LARP4B: variants seen among roughly 807,000 people sequenced by gnomAD.
The protein encoded by LARP4B is La ribonucleoprotein 4B.
Under a neutral mutation model 89.8 loss-of-function variants are expected in LARP4B, and 12 were observed. The observed-to-expected ratio is 0.13, with a 90% CI of 0.09 to 0.22. The LOEUF (loss-of-function observed/expected upper bound fraction) is 0.22. Among genes scored for constraint, LARP4B ranks in the 10% least tolerant of loss-of-function variants. LARP4B has a pLI of 1.00. For missense variants in LARP4B, 757 were observed against 947.7 expected, an observed-to-expected ratio of 0.80 and a Z score of 2.64; for synonymous variants, 367 against 363.3, an observed-to-expected ratio of 1.01 and a Z score of -0.12.
chr10:970,842 G>C, the LARP4B span, among the ~76,000 whole-genome samples: 6 of 152,176 alleles, frequency 3.9e-5, no homozygotes, highest in African/African-American at 1.4e-4. Flanking sequence ...GGAAGGCAGA[G>C]ACTGAGAAGA....
At chr10:930,006 C>T (rs762705097) in intron 1 of LARP4B, among the ~76,000 whole-genome samples, 2 of 151,852 alleles carry the variant, frequency 1.3e-5, no homozygotes, top group Non-Finnish European at 2.9e-5. Flanking sequence ...GGAGAAAAAA[C>T]TGAAAAGCCA....
At chr10:867,267 C>A (rs2131856839) in intron 3 of LARP4B, among the ~76,000 whole-genome samples, 1 of 152,206 alleles carries the variant, frequency 6.6e-6, no homozygotes, top group Admixed American at 6.5e-5. Flanking sequence ...TGAGCACATT[C>A]TACGCACTTC....
chr10:909,044 C>A (rs879669380), intron 1 of LARP4B, among the ~76,000 whole-genome samples: 1 of 151,962 alleles, frequency 6.6e-6, no homozygotes, highest in Non-Finnish European at 1.5e-5. Context: ...CCTGTAATCC[C>A]AGCACTTTGG....
intron 3 of LARP4B, among the ~76,000 whole-genome samples, chr10:867,376 T>C (rs1834955002): frequency 1.3e-5 from 2 of 152,302 alleles, no homozygotes; most frequent in South Asian, 4.1e-4. Flanking sequence ...AACTTCCCCA[T>C]AAAAACGATG....
the LARP4B span, among the ~76,000 whole-genome samples, chr10:944,287 G>T: frequency 6.6e-6 from 1 of 152,154 alleles, no homozygotes; most frequent in Non-Finnish European, 1.5e-5. Context: ...TGCATTCAAG[G>T]CCTGGCTGGT....
chr10:854,771 C>T (rs141035104), intron 5 of LARP4B, among the ~76,000 whole-genome samples: 319 of 152,272 alleles, frequency 2.1e-3, no homozygotes, highest in African/African-American at 7.1e-3. Context: ...GTTAACGTCA[C>T]CAGCTCCATT....
At chr10:813,259 AG>A in intron 17 of LARP4B, 46 bp from the exon 18 acceptor site, 1 of 1,522,582 alleles carries the variant, frequency 6.6e-7, no homozygotes, top group Non-Finnish European at 8.8e-7. Flanking sequence ...TGGTGTCTCT[AG>A]GGACAAGACA....
chr10:917,005 C>A (rs1245221740), intron 1 of LARP4B, among the ~76,000 whole-genome samples: 1 of 152,096 alleles, frequency 6.6e-6, no homozygotes, highest in Non-Finnish European at 1.5e-5. Context: ...GTGGTAAGTA[C>A]TCTTGAATAC....
In LARP4B at chr10:812,593, T is replaced by C; in HGVS notation, c.*333A>G. The stretch of plus-strand genomic sequence containing the variant: ...CCTTAATTTAGAAAAACTCACTATA[T>C]ATAGCTTGCATTCAGAGCCACATGG... On this transcript the variant is annotated 3_prime_UTR_variant, in exon 18 of 18. Coordinates refer to ENST00000316157, the MANE Select transcript of LARP4B (RefSeq NM_015155.3). 5.4e-6 allele frequency: 1 copy of C among 183,622 alleles called. No homozygotes were observed. The highest frequency in any genetic ancestry group is 1.3e-4 in the East Asian group (1 of 7,430). 11.4% of individuals were successfully genotyped at this position (183,622 alleles called of 1,614,324 possible). A position where few individuals can be genotyped will look rare whatever the true frequency, so the allele number is the denominator to read the frequency against.
chr10:832,377 T>C (rs1458129333), intron 8 of LARP4B, among the ~76,000 whole-genome samples: 1 of 152,142 alleles, frequency 6.6e-6, no homozygotes, highest in African/African-American at 2.4e-5. Flanking sequence ...CAAACTTTAC[T>C]GGAGATGAAA....
intron 1 of LARP4B, among the ~76,000 whole-genome samples, chr10:888,345 A>C (rs989431279): frequency 2.0e-5 from 3 of 151,554 alleles, no homozygotes; most frequent in African/African-American, 7.3e-5. Context: ...AACAAAAAAA[A>C]AAAAACACAC....
At chr10:870,341 C>T (rs1158464531) in intron 3 of LARP4B, among the ~76,000 whole-genome samples, 1 of 152,210 alleles carries the variant, frequency 6.6e-6, no homozygotes, top group East Asian at 1.9e-4. Context: ...ATGTTCACAT[C>T]TATTTAGGAC....
At chr10:852,302 T>C (rs1183991028) in intron 5 of LARP4B, among the ~76,000 whole-genome samples, 1 of 152,220 alleles carries the variant, frequency 6.6e-6, no homozygotes, top group Non-Finnish European at 1.5e-5. Context: ...GTATACTGTA[T>C]CATGATCTAC....
downstream of LARP4B, chr10:807,940 A>G (rs1477658632): frequency 6.6e-6 from 1 of 152,290 alleles, no homozygotes; most frequent in Non-Finnish European, 1.5e-5. Context: ...CTTGTGCCCA[A>G]GCAGGCCCAG....
chr10:845,089 G>A (rs551827681), intron 5 of LARP4B, 34 bp from the exon 6 acceptor site: 366 of 1,534,694 alleles, frequency 2.4e-4, no homozygotes, highest in Middle Eastern at 3.4e-4. Context: ...TAGGAAAACC[G>A]GCTTAAAATT....
chr10:884,504 C>G lies in LARP4B; in HGVS notation c.84G>C (p.Met28Ile). ...VQEGKDSAHL[M>I]NGPISQTTSQ... ...AAGTGGTTTGAGATATAGGACCATTCATCTGTAAAATTGAAAACAAAGACA... is the reference window on the plus strand; with the variant it reads ...AAGTGGTTTGAGATATAGGACCATTGATCTGTAAAATTGAAAACAAAGACA... Residue 28 changes from methionine (M) to isoleucine (I), a missense_variant and splice_region_variant, in exon 3 of 18, where the codon ATG becomes ATC. Physicochemically the swap from Met to Ile is conservative, Grantham distance 10. Transcript: ENST00000316157. 3 of 1,596,176 alleles carry G rather than the reference C, an allele frequency of 1.9e-6. No homozygotes were observed. Among genetic ancestry groups the G allele is most frequent in the Non-Finnish European group, 2.6e-6 (3 of 1,164,142 alleles).
the LARP4B span, among the ~76,000 whole-genome samples, chr10:975,744 C>T: frequency 4.0e-5 from 6 of 150,732 alleles, no homozygotes; most frequent in East Asian, 7.9e-4. Flanking sequence ...AGGCCTGTCA[C>T]GTAATGTGTG....
In LARP4B at chr10:870,467, G is replaced by A. The variant is rs10128508; in HGVS notation, c.142-6197C>T. Among the ~76,000 whole-genome samples, 274 of 152,284 alleles carry A rather than the reference G, an allele frequency of 1.8e-3. 1 individual carries two copies. The highest frequency in any genetic ancestry group is 6.4e-3 in the African/African-American group (267 of 41,552). On this transcript the variant is annotated intron_variant, in intron 3 of 17. Coordinates refer to ENST00000316157, the MANE Select transcript of LARP4B (RefSeq NM_015155.3). ...GCAGGGGGCACCTGTGTATCTGTCC[G>A]CTAGGGTGGGATCAACACCAACCAG...
chr10:814,570 T>C lies in LARP4B; in HGVS notation c.1929+172A>G, dbSNP rs1374216860. The C allele has an allele frequency of 3.5e-6, 5 of 1,446,848 alleles. No homozygotes were observed. The Admixed American group carries it at 6.0e-5, about 17-fold the overall frequency. 89.6% of individuals were successfully genotyped at this position (1,446,848 alleles called of 1,614,324 possible). A position where few individuals can be genotyped will look rare whatever the true frequency, so the allele number is the denominator to read the frequency against. On this transcript the variant is annotated intron_variant, in intron 17 of 17. Transcript: ENST00000316157. This position sits in a 1 kb window ranked among gnomAD's most constrained non-coding sequence, Gnocchi z 4.4. ...AGAACTAGAGTAGTTAGTGGAAAAT[T>C]ATTAGCAAATATTAAAGGTATTTTG...
Sources: gnomAD v4.1 joint callset for allele counts (sites outside exome capture counted in the v4.1 genomes callset) on GRCh38, gnomAD v4.1.1 for gene constraint, Gnocchi (gnomAD v3.1) non-coding constraint, MANE v1.5 for transcripts, NCBI Gene and HGNC (gene_info 2026-07-23, HGNC 2026-07-21) for gene names.